Variants in ERC1 observed in about 807,000 individuals in gnomAD.
ERC1 encodes RAB6 interacting protein 2.
Under a neutral mutation model 132.0 loss-of-function variants are expected in ERC1, and 56 were observed. That is an observed-to-expected ratio of 0.42 (90% CI 0.34 to 0.53). ERC1 has a LOEUF of 0.53. Among genes scored for constraint, ERC1 ranks in the 20% least tolerant of loss-of-function variants. The pLI, the probability that ERC1 is intolerant of heterozygous loss-of-function variation, is 0.03. For missense variants in ERC1, 1,202 were observed against 1,349.9 expected, an observed-to-expected ratio of 0.89 and a Z score of 1.72; for synonymous variants, 478 against 476.1, an observed-to-expected ratio of 1.00 and a Z score of -0.05.
chr12:1,073,358 T>A lies in ERC1; in HGVS notation c.670-9806T>A, dbSNP rs1940766351. ...ATGTGTGGAAAATATACACAAGATA[T>A]AAGACCAATAAAATGCTACTGTCTA... On this transcript the variant is annotated intron_variant, in intron 2 of 18. Coordinates refer to ENST00000360905, the MANE Select transcript of ERC1 (RefSeq NM_178040.4). 2.0e-5 allele frequency among the ~76,000 whole-genome samples: 3 copies of A among 151,790 alleles called. No individual in the cohort carries two copies. In the South Asian group the frequency reaches 6.2e-4, roughly 31 times the overall value.
At chr12:1,366,275 CATT>C (rs1834681339) in intron 15 of ERC1, among the ~76,000 whole-genome samples, 1 of 152,158 alleles carries the variant, frequency 6.6e-6, no homozygotes, top group African/African-American at 2.4e-5. Flanking sequence ...AAACCAGAAA[CATT>C]AATCAATTTT....
intron 16 of ERC1, among the ~76,000 whole-genome samples, chr12:1,374,007 G>A (rs538223108): frequency 9.8e-5 from 15 of 152,312 alleles, no homozygotes; most frequent in South Asian, 4.1e-4. Context: ...CTTTCAAAGC[G>A]TATCTGGATG....
At position 1,362,057 on chromosome 12, in the gene ERC1, T is replaced by C. The variant is rs1042084526; in HGVS notation, c.2781-9776T>C. Among the ~76,000 whole-genome samples the C allele has an allele frequency of 6.6e-5, 10 of 152,226 alleles. 1 individual carries two copies. Among genetic ancestry groups the C allele is most frequent in the African/African-American group, 2.2e-4 (9 of 41,454 alleles). On this transcript the variant is annotated intron_variant, in intron 15 of 18. Coordinates refer to ENST00000360905, the MANE Select transcript of ERC1 (RefSeq NM_178040.4). ...AGTATTTCTTCAGGTGTCATTATCTTGCATCCCTCTAGAAGATAAGACACA... is the reference window on the plus strand; with the variant it reads ...AGTATTTCTTCAGGTGTCATTATCTCGCATCCCTCTAGAAGATAAGACACA...
At chr12:1,479,970 CAT>C (rs1452606251) in intron 18 of ERC1, among the ~76,000 whole-genome samples, 2 of 152,158 alleles carry the variant, frequency 1.3e-5, no homozygotes, top group Non-Finnish European at 2.9e-5. Flanking sequence ...GAATACAGCA[CAT>C]GTTATTTTAA....
chr12:1,002,570 C>T (rs1021864779), intron 1 of ERC1, among the ~76,000 whole-genome samples: 4 of 152,040 alleles, frequency 2.6e-5, no homozygotes, highest in Non-Finnish European at 5.9e-5. Context: ...ATAGGATATG[C>T]ATATGTAGAA....
At chr12:1,078,363 C>T (rs1235314989) in intron 2 of ERC1, among the ~76,000 whole-genome samples, 2 of 151,676 alleles carry the variant, frequency 1.3e-5, no homozygotes, top group East Asian at 3.9e-4. Context: ...ACTCCAGCAA[C>T]TGTTAATCTT....
chr12:1,282,619 A>G (rs1192620759), intron 14 of ERC1, among the ~76,000 whole-genome samples: 8 of 152,238 alleles, frequency 5.3e-5, no homozygotes, highest in Admixed American at 5.2e-4. Context: ...TTCATTAGCA[A>G]TAGTTGTGAG....
At chr12:990,716 A>C (rs1441507575), upstream of ERC1, 1 of 152,274 alleles carries the variant, frequency 6.6e-6, no homozygotes, top group Non-Finnish European at 1.5e-5. Context: ...TCCCCCCAGC[A>C]GCCAGGGTCG....
At chr12:1,472,183 T>C (rs1047064745) in intron 18 of ERC1, among the ~76,000 whole-genome samples, 6 of 152,218 alleles carry the variant, frequency 3.9e-5, no homozygotes, top group African/African-American at 1.4e-4. Context: ...TTTATGTTTT[T>C]ATATAGATTC....
chr12:1,297,230 T>C (rs1033881742), intron 15 of ERC1, among the ~76,000 whole-genome samples: 7 of 150,688 alleles, frequency 4.6e-5, no homozygotes, highest in Non-Finnish European at 7.4e-5. Context: ...CCTAAAATTC[T>C]GTAAGCAAAG....
intron 15 of ERC1, among the ~76,000 whole-genome samples, chr12:1,312,161 G>A (rs1298411114): frequency 6.6e-6 from 1 of 152,080 alleles, no homozygotes; most frequent in African/African-American, 2.4e-5. Context: ...ACATCTCTGT[G>A]TAATCAGTGG....
Position 1,354,183 on chromosome 12 carries a change from C to A in ERC1, c.2781-17650C>A, listed in dbSNP as rs190556974. On this transcript the variant is annotated intron_variant, in intron 15 of 18. Transcript: ENST00000360905. Reference sequence around the variant, plus strand: ...GATTGCAGGACTGTCAGTACAACTGCCTACCAGGTATCTCCCCAGATTCAT... The same window carrying A: ...GATTGCAGGACTGTCAGTACAACTGACTACCAGGTATCTCCCCAGATTCAT... Among the ~76,000 whole-genome samples the A allele has an allele frequency of 2.0e-5, 3 of 152,058 alleles. No individual in the cohort carries two copies. In the East Asian group the frequency reaches 5.8e-4, roughly 29 times the overall value.
intron 18 of ERC1, among the ~76,000 whole-genome samples, chr12:1,468,357 C>T (rs1400821093): frequency 6.6e-6 from 1 of 152,188 alleles, no homozygotes; most frequent in Non-Finnish European, 1.5e-5. Context: ...AATCCCAGCA[C>T]TTTGGGAGGC....
Position 1,027,858 on chromosome 12 carries a change from T to C in ERC1, c.-46T>C, listed in dbSNP as rs1439246435. The C allele has an allele frequency of 5.8e-5, 87 of 1,508,274 alleles. No homozygotes were observed. Among genetic ancestry groups the C allele is most frequent in the Non-Finnish European group, 7.4e-5 (83 of 1,114,468 alleles). The allele number at this position is 1,508,274 out of a possible 1,614,324, so 93.4% of individuals were successfully genotyped here. A position where few individuals can be genotyped will look rare whatever the true frequency, so the allele number is the denominator to read the frequency against. ...CCTCACAAGGTTCCCATTTTTGTTGTTGTTGTTGTTGATTTTCTGCTCACA... is the reference window on the plus strand; with the variant it reads ...CCTCACAAGGTTCCCATTTTTGTTGCTGTTGTTGTTGATTTTCTGCTCACA... On this transcript the variant is annotated 5_prime_UTR_variant, in exon 2 of 19. Coordinates refer to ENST00000360905, the MANE Select transcript of ERC1 (RefSeq NM_178040.4).
At chr12:1,237,343 C>T (rs1214310875) in intron 13 of ERC1, among the ~76,000 whole-genome samples, 1 of 151,922 alleles carries the variant, frequency 6.6e-6, no homozygotes, top group Non-Finnish European at 1.5e-5. Context: ...CCTTCCTTTC[C>T]TCTTTTTAAA....
intron 18 of ERC1, among the ~76,000 whole-genome samples, chr12:1,485,027 C>T (rs1431538690): frequency 6.6e-6 from 1 of 151,304 alleles, no homozygotes; most frequent in Non-Finnish European, 1.5e-5. Flanking sequence ...GAACTAGAGG[C>T]ACGCACAACC....
chr12:1,092,467 C>T (rs557131624), intron 3 of ERC1, among the ~76,000 whole-genome samples: 1 of 152,320 alleles, frequency 6.6e-6, no homozygotes, highest in East Asian at 1.9e-4. Flanking sequence ...ATTTTGTCAT[C>T]ATTTCAGCTG....
intron 14 of ERC1, among the ~76,000 whole-genome samples, chr12:1,278,509 G>C (rs2154335310): frequency 6.6e-6 from 1 of 152,282 alleles, no homozygotes; most frequent in South Asian, 2.1e-4. Context: ...TAGTAGGGAA[G>C]AAAATGAAAC....
At chr12:1,435,046 T>C (rs1478298144) in intron 17 of ERC1, among the ~76,000 whole-genome samples, 1 of 152,184 alleles carries the variant, frequency 6.6e-6, no homozygotes, top group African/African-American at 2.4e-5. Flanking sequence ...TTTTCCCAAA[T>C]CTTTTTTTCC....
Sources: allele counts gnomAD v4.1 joint callset (sites outside exome capture counted in the v4.1 genomes callset), GRCh38; gene constraint gnomAD v4.1.1; transcripts MANE v1.5; gene names NCBI Gene and HGNC (gene_info 2026-07-23, HGNC 2026-07-21).